The following SPHKAP variants were observed in gnomAD, a reference collection of about 807,000 sequenced individuals.
The protein encoded by SPHKAP is SPHK1 interactor, AKAP domain containing, also known as A-kinase anchor protein SPHKAP.
In SPHKAP, 67 loss-of-function variants were observed where a neutral mutation model predicts 137.5. The observed-to-expected ratio is 0.49, with a 90% CI of 0.40 to 0.60. SPHKAP has a LOEUF of 0.60. Among genes scored for constraint, SPHKAP ranks in the 20% least tolerant of loss-of-function variants. The pLI is 0.00. For synonymous variants in SPHKAP, 813 were observed against 785.3 expected (o/e 1.04, Z -0.59); for missense variants, 2,097 against 2,069.3 (o/e 1.01, Z -0.26).
intron 1 of SPHKAP, among the ~76,000 whole-genome samples, chr2:228,155,272 CT>C: frequency 6.6e-6 from 1 of 151,634 alleles, no homozygotes; most frequent in South Asian, 2.1e-4. Flanking sequence ...GAATTATTTG[CT>C]TTCTAAAGGT....
chr2:228,027,764 G>A (rs1392037438), intron 3 of SPHKAP, among the ~76,000 whole-genome samples: 2 of 151,864 alleles, frequency 1.3e-5, no homozygotes, highest in Admixed American at 6.6e-5. Flanking sequence ...TCAGGAGATC[G>A]AGACCATCCT....
At chr2:228,027,763 C>G (rs546494833) in intron 3 of SPHKAP, among the ~76,000 whole-genome samples, 2 of 151,770 alleles carry the variant, frequency 1.3e-5, no homozygotes, top group East Asian at 3.9e-4. Flanking sequence ...GTCAGGAGAT[C>G]GAGACCATCC....
chr2:227,995,393 T>C, intron 8 of SPHKAP, 116 bp downstream of exon 8: 1 of 1,312,244 alleles, frequency 7.6e-7, no homozygotes, highest in Non-Finnish European at 1.1e-6. Context: ...AACTTTCCTT[T>C]TTTTGTTCTC....
chr2:228,038,617 A>G (rs969807253), intron 3 of SPHKAP, among the ~76,000 whole-genome samples: 40 of 152,192 alleles, frequency 2.6e-4, no homozygotes, highest in Non-Finnish European at 3.8e-4. Flanking sequence ...TTTTTTAAGT[A>G]TGTATTTTTA....
intron 1 of SPHKAP, among the ~76,000 whole-genome samples, chr2:228,143,001 A>G (rs929691927): frequency 3.4e-4 from 52 of 152,292 alleles, no homozygotes; most frequent in African/African-American, 1.0e-3. Flanking sequence ...AATCTATTTT[A>G]GATGATAGAC....
intron 7 of SPHKAP, among the ~76,000 whole-genome samples, chr2:228,008,806 T>A (rs1694246932): frequency 6.6e-6 from 1 of 152,150 alleles, no homozygotes; most frequent in Non-Finnish European, 1.5e-5. Context: ...TTTGTGGGTG[T>A]CTATTATTGG....
intron 1 of SPHKAP, among the ~76,000 whole-genome samples, chr2:228,155,857 G>A (rs1320136397): frequency 2.6e-5 from 4 of 152,140 alleles, no homozygotes; most frequent in East Asian, 1.9e-4. Context: ...TTGCAAACAG[G>A]CAAGAGAGCT....
chr2:228,069,477 G>C (rs1206299637), intron 3 of SPHKAP, among the ~76,000 whole-genome samples: 1 of 140,196 alleles, frequency 7.1e-6, no homozygotes, highest in African/African-American at 2.7e-5. Flanking sequence ...AGATGGGGGG[G>C]TCTCACTCTG....
At position 228,019,224 on chromosome 2, in the gene SPHKAP, G is replaced by A; in HGVS notation, c.1630C>T (p.Leu544Phe). Reference protein sequence around the residue: ...GALQTQAPQGLKEPSINEYSF... With the variant: ...GALQTQAPQGFKEPSINEYSF... ...TACTCATTGATGGAAGGTTCCTTGA[G>A]TCCTTGGGGTGCTTGAGTTTGCAGT... Residue 544 changes from leucine (L) to phenylalanine (F), a missense_variant, in exon 7 of 12, where the codon CTC becomes TTC. Transcript: ENST00000392056. The A allele has an allele frequency of 6.2e-7, 1 of 1,613,906 alleles. No individual in the cohort carries two copies. Among genetic ancestry groups the A allele is most frequent in the Non-Finnish European group, 8.5e-7 (1 of 1,180,042 alleles).
intron 3 of SPHKAP, among the ~76,000 whole-genome samples, chr2:228,032,497 C>A (rs1695374779): frequency 6.6e-6 from 1 of 152,194 alleles, no homozygotes; most frequent in Non-Finnish European, 1.5e-5. Flanking sequence ...TCTAGCAAGG[C>A]AGGCAAACAT....
At chr2:228,158,134 T>C (rs991709603) in intron 1 of SPHKAP, among the ~76,000 whole-genome samples, 2 of 152,106 alleles carry the variant, frequency 1.3e-5, no homozygotes, top group African/African-American at 4.8e-5. Context: ...GCATGGAGAA[T>C]TGAGCCATTA....
Position 228,026,570 on chromosome 2 carries a change from G to A in SPHKAP, c.306+914C>T, listed in dbSNP as rs74817913. Among the ~76,000 whole-genome samples, 77 of 152,228 alleles carry A rather than the reference G, an allele frequency of 5.1e-4. No homozygotes were observed. The East Asian group carries it at 0.014, about 28-fold the overall frequency. On this transcript the variant is annotated intron_variant, in intron 4 of 11. Coordinates refer to ENST00000392056, the MANE Select transcript of SPHKAP (RefSeq NM_001142644.2). Reference sequence around the variant, plus strand: ...CAGACAATTATTTCAAATCACTCACGTAAACTCTTCAAACACACTACTCTT... The same window carrying A: ...CAGACAATTATTTCAAATCACTCACATAAACTCTTCAAACACACTACTCTT...
intron 1 of SPHKAP, among the ~76,000 whole-genome samples, chr2:228,152,423 T>A (rs1574899260): frequency 6.6e-6 from 1 of 152,266 alleles, no homozygotes; most frequent in East Asian, 1.9e-4. Context: ...TAAAGTTCCT[T>A]TTGCCCAGCT....
chr2:228,174,933 G>C (rs1313822515), intron 1 of SPHKAP, among the ~76,000 whole-genome samples: 1 of 147,860 alleles, frequency 6.8e-6, no homozygotes, highest in Non-Finnish European at 1.5e-5. Context: ...GAATGCCTCT[G>C]ATAAATATAT....
At chr2:228,106,721 T>G (rs1455401805) in intron 3 of SPHKAP, among the ~76,000 whole-genome samples, 1 of 152,168 alleles carries the variant, frequency 6.6e-6, no homozygotes, top group Non-Finnish European at 1.5e-5. Flanking sequence ...TTTACTTCTA[T>G]TTCTTCTGTA....
intron 3 of SPHKAP, among the ~76,000 whole-genome samples, chr2:228,096,788 AATTTCCCTT>A (rs1187649793): frequency 6.6e-6 from 1 of 152,070 alleles, no homozygotes; most frequent in Non-Finnish European, 1.5e-5. Flanking sequence ...CAAAGACAGA[AATTTCCCTT>A]CTGCTTTTAG....
At chr2:228,114,944 G>GGTC (rs570135784) in intron 2 of SPHKAP, among the ~76,000 whole-genome samples, 1 of 152,100 alleles carries the variant, frequency 6.6e-6, no homozygotes, top group South Asian at 2.1e-4. Context: ...AGACAATCCA[G>GGTC]GTCAGCTATC....
At chr2:228,145,671 A>G (rs1168533166) in intron 1 of SPHKAP, among the ~76,000 whole-genome samples, 1 of 152,136 alleles carries the variant, frequency 6.6e-6, no homozygotes, top group Non-Finnish European at 1.5e-5. Flanking sequence ...ATTATAAATA[A>G]AAATATAGTA....
At chr2:228,121,206 G>A (rs1351387174) in intron 2 of SPHKAP, among the ~76,000 whole-genome samples, 2 of 152,096 alleles carry the variant, frequency 1.3e-5, no homozygotes, top group East Asian at 3.9e-4. Flanking sequence ...TTGGACTGTG[G>A]CAATTAAAAT....
Sources: gnomAD v4.1 joint callset for allele counts (sites outside exome capture counted in the v4.1 genomes callset) on GRCh38, gnomAD v4.1.1 for gene constraint, MANE v1.5 for transcripts, NCBI Gene and HGNC (gene_info 2026-07-23, HGNC 2026-07-21) for gene names.